The following PARN variants were observed in gnomAD, a reference collection of about 807,000 sequenced individuals.
PARN encodes the protein poly(A)-specific ribonuclease, also known as poly(A)-specific ribonuclease PARN.
In PARN, 71 loss-of-function variants were observed where a neutral mutation model predicts 102.8. The observed-to-expected ratio is 0.69, with a 90% confidence interval of 0.57 to 0.84. The LOEUF is 0.84. Among genes scored for constraint, PARN ranks in the 40% least tolerant of loss-of-function variants. The probability of loss-of-function intolerance (pLI) is 0.00; values close to 1 mark genes in which losing one functional copy is unlikely to be tolerated. For missense variants in PARN, 782 were observed against 760.9 expected (o/e 1.03, Z -0.33); for synonymous variants, 261 against 252.9 (o/e 1.03, Z -0.30).
chr16:14,539,145 T>C (rs1197168874), intron 21 of PARN, among the ~76,000 whole-genome samples: 4 of 152,308 alleles, frequency 2.6e-5, no homozygotes, highest in Admixed American at 2.6e-4. Context: ...TCCCTACCCC[T>C]GCTCCCACCT....
At chr16:14,606,462 C>G in intron 10 of PARN, 22 bp downstream of exon 10, 1 of 1,450,788 alleles carries the variant, frequency 6.9e-7, no homozygotes, top group Non-Finnish European at 9.6e-7. Context: ...TAATGTTAGC[C>G]CTAGATAATT....
At chr16:14,547,268 C>T (rs549825219) in intron 21 of PARN, among the ~76,000 whole-genome samples, 10 of 152,180 alleles carry the variant, frequency 6.6e-5, no homozygotes, top group African/African-American at 2.2e-4. Flanking sequence ...TGGGTTACCA[C>T]GTATCCAAAC....
chr16:14,481,962 C>A (rs1963406760), intron 22 of PARN, among the ~76,000 whole-genome samples: 1 of 152,152 alleles, frequency 6.6e-6, no homozygotes, highest in African/African-American at 2.4e-5. Flanking sequence ...GACCTGAAAG[C>A]TCAGGAGATC....
At chr16:14,577,683 T>C (rs183591741) in intron 18 of PARN, among the ~76,000 whole-genome samples, 1 of 152,192 alleles carries the variant, frequency 6.6e-6, no homozygotes, top group African/African-American at 2.4e-5. Context: ...TTATTTATTT[T>C]TGAGATAGAG....
rs966794801 is a variant in PARN at position 14,559,846 on chromosome 16, G to A, written c.1263-4137C>T. ...ATAGCTCCAAAACCCGGAAGAACACGAAAACCAACTCTGTGTGACTTGGCA... is the reference window on the plus strand; with the variant it reads ...ATAGCTCCAAAACCCGGAAGAACACAAAAACCAACTCTGTGTGACTTGGCA... On this transcript the variant is annotated intron_variant, in intron 18 of 23. Coordinates refer to ENST00000437198, the MANE Select transcript of PARN (RefSeq NM_002582.4). 4.6e-5 allele frequency among the ~76,000 whole-genome samples: 7 copies of A among 152,232 alleles called. No homozygotes were observed. The East Asian group carries it at 7.7e-4, about 17-fold the overall frequency.
chr16:14,570,787 G>C (rs971226639), intron 18 of PARN, among the ~76,000 whole-genome samples: 2 of 148,594 alleles, frequency 1.3e-5, no homozygotes, highest in Admixed American at 6.7e-5. Flanking sequence ...AGACCAGCGA[G>C]GGCAACGTAA....
chr16:14,483,079 T>C (rs1454018009), intron 21 of PARN, among the ~76,000 whole-genome samples: 1 of 152,222 alleles, frequency 6.6e-6, no homozygotes, highest in Non-Finnish European at 1.5e-5. Context: ...CTTTGTAAAC[T>C]GTAAAGAACC....
At chr16:14,448,841 C>G (rs1488241631) in intron 22 of PARN, among the ~76,000 whole-genome samples, 1 of 152,138 alleles carries the variant, frequency 6.6e-6, no homozygotes, top group African/African-American at 2.4e-5. Context: ...TTTTTCATTT[C>G]TATTATAGAC....
At chr16:14,444,950 C>CTGGG (rs1251390279) in intron 23 of PARN, among the ~76,000 whole-genome samples, 2 of 151,850 alleles carry the variant, frequency 1.3e-5, no homozygotes, top group African/African-American at 4.8e-5. Flanking sequence ...TCCTGAGTAC[C>CTGGG]TGGGACTACA....
At chr16:14,589,798 C>T (rs1260973775) in intron 13 of PARN, among the ~76,000 whole-genome samples, 1 of 149,570 alleles carries the variant, frequency 6.7e-6, no homozygotes, top group Non-Finnish European at 1.5e-5. Context: ...ACCCAGGAGA[C>T]AGAGGTTGCA....
chr16:14,612,601 C>CT (rs965677367), intron 6 of PARN, among the ~76,000 whole-genome samples: 2 of 150,456 alleles, frequency 1.3e-5, no homozygotes, highest in Admixed American at 1.3e-4. Context: ...ATTTTTTTTT[C>CT]TTTTTTTTCT....
chr16:14,563,522 G>GTGTGTGTGTGTGTGTGTGTGTATATATA (rs1423811963), intron 18 of PARN, among the ~76,000 whole-genome samples: 1 of 149,148 alleles, frequency 6.7e-6, no homozygotes, highest in Non-Finnish European at 1.5e-5. Flanking sequence ...GTGTGTGTGT[G>GTGTGTGTGTGTGTGTGTGTGTATATATA]TATATAATTC....
intron 16 of PARN, among the ~76,000 whole-genome samples, chr16:14,583,901 G>A (rs1292716055): frequency 6.6e-6 from 1 of 152,140 alleles, no homozygotes; most frequent in Admixed American, 6.5e-5. Context: ...TAAACCAGCT[G>A]AAAAGGAGGC....
Position 14,584,749 on chromosome 16 carries a change from C to T in PARN, c.1005G>A (p.Lys335=). ...TTATAAAGTAGCAAATGAATAATAC[C>T]TTAAAAGGTTGTGTGCTGGCCATCA... ...TKLMASTQPF[K]DIINNTSLAE... is the part of the protein sequence containing the mutation. Residue 335 remains lysine (K), a splice_region_variant and synonymous_variant, in exon 15 of 24, where the codon AAG becomes AAA. Coordinates refer to ENST00000437198, the MANE Select transcript of PARN (RefSeq NM_002582.4). 2 of 1,571,834 alleles carry T rather than the reference C, an allele frequency of 1.3e-6. No homozygotes were observed. The highest frequency in any genetic ancestry group is 1.7e-4 in the Middle Eastern group (1 of 5,974).
At position 14,470,938 on chromosome 16, in the gene PARN, A is replaced by C. The variant is rs1390913464; in HGVS notation, c.1670+11700T>G. Among the ~76,000 whole-genome samples the C allele has an allele frequency of 2.6e-5, 4 of 151,980 alleles. No homozygotes were observed. The East Asian group carries it at 5.8e-4, about 22-fold the overall frequency. On this transcript the variant is annotated intron_variant, in intron 22 of 23. Transcript: ENST00000437198. ...TTTACAGGCATGAGCCACCATGCCT[A>C]ATTTTTTGATTTTTGTTGTTGTTGT...
At chr16:14,597,992 A>C (rs535791155) in intron 12 of PARN, among the ~76,000 whole-genome samples, 1 of 152,030 alleles carries the variant, frequency 6.6e-6, no homozygotes, top group Admixed American at 6.5e-5. Flanking sequence ...AAAAATACAG[A>C]AATTAGCCAG....
chr16:14,532,735 A>C (rs28641652), intron 21 of PARN, among the ~76,000 whole-genome samples: 32,564 of 145,906 alleles, frequency 0.22, 3,913 homozygotes, highest in Middle Eastern at 0.32. Context: ...ACCTCCCGGG[A>C]GGGGCGGCTG....
chr16:14,457,584 G>A (rs909364180), intron 22 of PARN, among the ~76,000 whole-genome samples: 8 of 152,004 alleles, frequency 5.3e-5, no homozygotes, highest in Non-Finnish European at 8.8e-5. Flanking sequence ...CAGATCACTT[G>A]AGGTGGAGTT....
At chr16:14,604,038 A>C in intron 11 of PARN, 108 bp downstream of exon 11, 1 of 771,146 alleles carries the variant, frequency 1.3e-6, no homozygotes, top group Non-Finnish European at 2.2e-6. Flanking sequence ...TCTATGAAAG[A>C]AAACTATTCA....
Sources: allele counts gnomAD v4.1 joint callset (sites outside exome capture counted in the v4.1 genomes callset), GRCh38; gene constraint gnomAD v4.1.1; transcripts MANE v1.5; gene names NCBI Gene and HGNC (gene_info 2026-07-23, HGNC 2026-07-21).